VTI1A: variants seen among roughly 807,000 people sequenced by gnomAD.
VTI1A encodes vesicle transport through interaction with t-SNAREs homolog 1A.
VTI1A carries 22 observed loss-of-function variants against 34.9 expected under a neutral mutation model. The observed-to-expected ratio is 0.63, with a 90% CI of 0.45 to 0.90. VTI1A has a LOEUF of 0.90. VTI1A is among the 40% of genes least tolerant of loss of function. VTI1A has a pLI of 0.00. For missense variants in VTI1A, 268 were observed against 275.6 expected (o/e 0.97, Z 0.20); for synonymous variants, 87 against 97.3 (o/e 0.89, Z 0.62).
chr10:112,814,166 G>T (rs1034636541), intron 7 of VTI1A, among the ~76,000 whole-genome samples: 7 of 152,230 alleles, frequency 4.6e-5, no homozygotes, highest in African/African-American at 1.7e-4. Context: ...AAGTAGGGGT[G>T]TGGGGTCTCT....
At chr10:112,597,031 A>AT (rs928287625) in intron 5 of VTI1A, among the ~76,000 whole-genome samples, 1 of 152,050 alleles carries the variant, frequency 6.6e-6, no homozygotes, top group African/African-American at 2.4e-5. Flanking sequence ...GAAGAAGCTT[A>AT]TTTTTTCTTC....
chr10:112,504,297 GA>G (rs1421185845), intron 3 of VTI1A, among the ~76,000 whole-genome samples: 6 of 152,040 alleles, frequency 3.9e-5, no homozygotes, highest in African/African-American at 1.2e-4. Flanking sequence ...CTACTGTTAC[GA>G]ATTGTTTGTG....
intron 7 of VTI1A, among the ~76,000 whole-genome samples, chr10:112,703,612 A>G (rs1849090032): frequency 6.6e-6 from 1 of 152,224 alleles, no homozygotes; most frequent in South Asian, 2.1e-4. Flanking sequence ...ATTATATATA[A>G]TTAATCTACA....
chr10:112,851,709 A>AG, the VTI1A span, among the ~76,000 whole-genome samples: 1 of 152,210 alleles, frequency 6.6e-6, no homozygotes. Context: ...GAAGCCATAC[A>AG]GGGGCTTCTG....
intron 5 of VTI1A, among the ~76,000 whole-genome samples, chr10:112,620,121 A>C (rs1845672269): frequency 6.6e-6 from 1 of 152,198 alleles, no homozygotes; most frequent in Non-Finnish European, 1.5e-5. Flanking sequence ...GTGTAATATT[A>C]ACAGTGTGTG....
chr10:112,715,794 G>C (rs762395276), intron 7 of VTI1A, among the ~76,000 whole-genome samples: 1 of 152,172 alleles, frequency 6.6e-6, no homozygotes, highest in African/African-American at 2.4e-5. Context: ...CCTTCAGCAG[G>C]TTATCCTGAA....
At chr10:112,464,743 C>G (rs3740143) in intron 3 of VTI1A, 86 bp downstream of exon 3, 753,179 of 1,172,030 alleles carry the variant, frequency 0.64, 252,841 homozygotes, top group Non-Finnish European at 0.71. Flanking sequence ...AATGCACAGT[C>G]TTTTGGGCTC....
At chr10:112,679,875 G>T (rs1848157228) in intron 7 of VTI1A, among the ~76,000 whole-genome samples, 1 of 152,108 alleles carries the variant, frequency 6.6e-6, no homozygotes, top group Non-Finnish European at 1.5e-5. Flanking sequence ...AAGCCATAGG[G>T]CAGTGGTTCC....
the VTI1A span, among the ~76,000 whole-genome samples, chr10:112,829,505 A>G: frequency 2.7e-5 from 4 of 150,862 alleles, no homozygotes; most frequent in African/African-American, 9.8e-5. Context: ...AATCCCAGCC[A>G]TTTGGGAGGC....
At chr10:112,460,266 AGTCTCTCTTAAAAATAG>A (rs987553531) in intron 1 of VTI1A, among the ~76,000 whole-genome samples, 11 of 152,154 alleles carry the variant, frequency 7.2e-5, no homozygotes, top group Non-Finnish European at 1.5e-4. Flanking sequence ...CATAATTTTT[AGTCTCTCTTAAAAATAG>A]GTCTCTCTTA....
chr10:112,516,389 C>G (rs1254250942), intron 3 of VTI1A, among the ~76,000 whole-genome samples: 1 of 151,894 alleles, frequency 6.6e-6, no homozygotes, highest in East Asian at 1.9e-4. Flanking sequence ...TACCATTTTC[C>G]CATAGTATAT....
chr10:112,688,459 G>A (rs7095620), intron 7 of VTI1A, among the ~76,000 whole-genome samples: 64,437 of 148,840 alleles, frequency 0.43, 15,880 homozygotes, highest in African/African-American at 0.67. Context: ...AGTGTAGCCA[G>A]TTTTAAGTTC....
At chr10:112,811,791 G>A (rs141391883) in intron 7 of VTI1A, among the ~76,000 whole-genome samples, 84 of 150,802 alleles carry the variant, frequency 5.6e-4, no homozygotes, top group African/African-American at 2.0e-3. Context: ...TGGAATTCCT[G>A]GGCTCCTCGA....
At chr10:112,685,671 C>T (rs1055538689) in intron 7 of VTI1A, among the ~76,000 whole-genome samples, 2 of 151,886 alleles carry the variant, frequency 1.3e-5, no homozygotes, top group Non-Finnish European at 2.9e-5. Context: ...GTTTTTTTCC[C>T]CCCTTGTTCT....
At chr10:112,776,175 T>C (rs1006050849) in intron 7 of VTI1A, among the ~76,000 whole-genome samples, 1 of 152,202 alleles carries the variant, frequency 6.6e-6, no homozygotes, top group Non-Finnish European at 1.5e-5. Flanking sequence ...GGAGTAAGAT[T>C]GTTTTACAGC....
rs141577920 is a variant in VTI1A, at chr10:112,572,134, T to C, written c.427+33804T>C. ...CTCATTGACCCCCGATTCTAAAATT[T>C]AAAAAGATGAAAAAGAAAGATAGTG... On this transcript the variant is annotated intron_variant, in intron 5 of 7. Transcript: ENST00000393077. Among the ~76,000 whole-genome samples the C allele has an allele frequency of 2.6e-5, 4 of 152,310 alleles. No homozygotes were observed. The East Asian group carries it at 7.7e-4, about 29-fold the overall frequency.
At chr10:112,830,849 A>ATATATATTT in the VTI1A span, among the ~76,000 whole-genome samples, 57 of 33,490 alleles carry the variant, frequency 1.7e-3, 3 homozygotes, top group Non-Finnish European at 2.3e-3. Context: ...ATATATATAT[A>ATATATATTT]TTTTTTTTTT....
intron 5 of VTI1A, among the ~76,000 whole-genome samples, chr10:112,590,455 G>A (rs1471554883): frequency 6.6e-6 from 1 of 152,154 alleles, no homozygotes; most frequent in Non-Finnish European, 1.5e-5. Context: ...CAATTTGGGA[G>A]GCTGAGGTGG....
intron 7 of VTI1A, among the ~76,000 whole-genome samples, chr10:112,772,580 G>A (rs781066484): frequency 2.4e-4 from 36 of 152,098 alleles, no homozygotes; most frequent in Admixed American, 1.3e-3. Flanking sequence ...TGTTGCTTGC[G>A]CTTTTGGTGT....
Sources: allele counts gnomAD v4.1 joint callset (sites outside exome capture counted in the v4.1 genomes callset), GRCh38; gene constraint gnomAD v4.1.1; transcripts MANE v1.5; gene names NCBI Gene and HGNC (gene_info 2026-07-23, HGNC 2026-07-21).